The following HS2ST1 variants were observed in gnomAD, a reference collection of about 807,000 sequenced individuals.
HS2ST1 encodes heparan sulfate 2-O-sulfotransferase 1, also known as 2-O-sulfotransferase.
A neutral mutation model predicts 42.9 loss-of-function variants in HS2ST1; 18 were observed. The observed-to-expected ratio is 0.42, with a 90% CI of 0.29 to 0.62. HS2ST1 has a LOEUF of 0.62. HS2ST1 is among the 20% of genes least tolerant of loss of function. HS2ST1 has a pLI of 0.21. For missense variants in HS2ST1, 334 were observed against 433.8 expected (o/e 0.77, Z 2.04); for synonymous variants, 146 against 152.9 (o/e 0.95, Z 0.33).
intron 1 of HS2ST1, among the ~76,000 whole-genome samples, chr1:86,988,896 T>A (rs1000247297): frequency 6.6e-6 from 1 of 152,228 alleles, no homozygotes; most frequent in Admixed American, 6.5e-5. Context: ...GTAGTGAGTC[T>A]CGAACATTAC....
intron 1 of HS2ST1, among the ~76,000 whole-genome samples, chr1:87,059,914 T>C (rs1393318881): frequency 6.6e-6 from 1 of 152,212 alleles, no homozygotes; most frequent in Admixed American, 6.5e-5. Flanking sequence ...ATACTTATTC[T>C]GGTACATTTA....
chr1:87,000,688 A>G (rs2100568978), intron 1 of HS2ST1, among the ~76,000 whole-genome samples: 1 of 152,066 alleles, frequency 6.6e-6, no homozygotes, highest in African/African-American at 2.4e-5. Context: ...GCCCAGTTTC[A>G]CTCTATGCAT....
At chr1:86,947,903 A>G (rs1220216386) in intron 1 of HS2ST1, among the ~76,000 whole-genome samples, 1 of 152,160 alleles carries the variant, frequency 6.6e-6, no homozygotes, top group Non-Finnish European at 1.5e-5. Flanking sequence ...CCCAAGAAGA[A>G]GAGCAATATA....
At chr1:87,093,267 A>C (rs1185785467) in intron 4 of HS2ST1, among the ~76,000 whole-genome samples, 1 of 152,126 alleles carries the variant, frequency 6.6e-6, no homozygotes, top group Non-Finnish European at 1.5e-5. Context: ...ACACGATCTC[A>C]GACCTAGCTC....
chr1:87,039,925 C>T (rs1650477116), intron 1 of HS2ST1, among the ~76,000 whole-genome samples: 1 of 152,038 alleles, frequency 6.6e-6, no homozygotes, highest in Non-Finnish European at 1.5e-5. Flanking sequence ...CAAGTAGTGT[C>T]TAATTTGTGT....
chr1:87,052,478 C>A (rs945574571), intron 1 of HS2ST1, among the ~76,000 whole-genome samples: 23 of 152,126 alleles, frequency 1.5e-4, no homozygotes, highest in African/African-American at 5.6e-4. Context: ...GGGGCAATGA[C>A]CATGATTCAG....
intron 1 of HS2ST1, among the ~76,000 whole-genome samples, chr1:86,971,810 G>A (rs1648240979): frequency 6.6e-6 from 1 of 151,872 alleles, no homozygotes; most frequent in African/African-American, 2.4e-5. Flanking sequence ...TATTCTGACC[G>A]AGGTTGAAGT....
chr1:87,084,862 C>T (rs1651781790), intron 3 of HS2ST1, among the ~76,000 whole-genome samples: 1 of 150,868 alleles, frequency 6.6e-6, no homozygotes, highest in South Asian at 2.1e-4. Context: ...CTCACTCACT[C>T]ACTCACTCCT....
chr1:87,012,899 T>A (rs547394537), intron 1 of HS2ST1, among the ~76,000 whole-genome samples: 1 of 152,150 alleles, frequency 6.6e-6, no homozygotes, highest in African/African-American at 2.4e-5. Context: ...ATCTTAAAGC[T>A]CCAAAATGAT....
intron 1 of HS2ST1, among the ~76,000 whole-genome samples, chr1:86,964,261 C>T (rs1342167334): frequency 3.9e-5 from 6 of 152,198 alleles, no homozygotes; most frequent in South Asian, 2.1e-4. Context: ...GCTGCAATCT[C>T]GGCACTTTGG....
chr1:87,100,509 C>T (rs975130542), intron 5 of HS2ST1, among the ~76,000 whole-genome samples: 6 of 152,192 alleles, frequency 3.9e-5, no homozygotes, highest in Admixed American at 3.9e-4. Context: ...TCTGAAATGC[C>T]TTTGAGGCCT....
At chr1:87,064,666 T>TA (rs1239730224) in intron 1 of HS2ST1, among the ~76,000 whole-genome samples, 1 of 152,150 alleles carries the variant, frequency 6.6e-6, no homozygotes, top group African/African-American at 2.4e-5. Context: ...TTCAAGCTAA[T>TA]AATACTCTTT....
intron 1 of HS2ST1, among the ~76,000 whole-genome samples, chr1:86,951,672 T>C (rs551789711): frequency 6.6e-6 from 1 of 152,204 alleles, no homozygotes; most frequent in Non-Finnish European, 1.5e-5. Flanking sequence ...CTGTGGCAAT[T>C]TCTTCAAATA....
intron 2 of HS2ST1, among the ~76,000 whole-genome samples, chr1:87,080,216 C>G (rs955362318): frequency 6.6e-6 from 1 of 151,924 alleles, no homozygotes; most frequent in African/African-American, 2.4e-5. Context: ...CAGTGGTTAC[C>G]CAAGATAATA....
chr1:87,010,295 A>AT (rs564173347), intron 1 of HS2ST1, among the ~76,000 whole-genome samples: 3,793 of 145,294 alleles, frequency 0.026, 46 homozygotes, highest in South Asian at 0.057. Flanking sequence ...GAGAAGCACA[A>AT]TTTTTTTTTT....
At chr1:86,962,118 TAAG>T (rs539604431) in intron 1 of HS2ST1, among the ~76,000 whole-genome samples, 220 of 152,134 alleles carry the variant, frequency 1.4e-3, no homozygotes, top group African/African-American at 5.1e-3. Context: ...GTGAAAAAAA[TAAG>T]AAGGAAAAAC....
At chr1:86,977,402 G>A (rs949391507) in intron 1 of HS2ST1, among the ~76,000 whole-genome samples, 6 of 152,154 alleles carry the variant, frequency 3.9e-5, no homozygotes, top group African/African-American at 1.4e-4. Flanking sequence ...TGCACCAGTA[G>A]TTGTATATTG....
At chr1:86,962,690 A>G (rs1647882832) in intron 1 of HS2ST1, among the ~76,000 whole-genome samples, 1 of 152,070 alleles carries the variant, frequency 6.6e-6, no homozygotes. Context: ...AACAACAACA[A>G]CAAAACAAAA....
chr1:87,099,732 G>T (rs1652154393), intron 5 of HS2ST1, among the ~76,000 whole-genome samples: 1 of 152,202 alleles, frequency 6.6e-6, no homozygotes, highest in Admixed American at 6.5e-5. Flanking sequence ...CTCATCTGGA[G>T]ATGAGTTCCT....
Sources: gnomAD v4.1 joint callset for allele counts (sites outside exome capture counted in the v4.1 genomes callset) on GRCh38, gnomAD v4.1.1 for gene constraint, MANE v1.5 for transcripts, NCBI Gene and HGNC (gene_info 2026-07-23, HGNC 2026-07-21) for gene names.